FILIP1L: variants seen among roughly 807,000 people sequenced by gnomAD.
FILIP1L encodes filamin A-interacting protein 1-like.
In FILIP1L, 55 loss-of-function variants were observed where a neutral mutation model predicts 96.6. The observed-to-expected ratio is 0.57, with a 90% CI of 0.46 to 0.71. FILIP1L has a LOEUF of 0.71. FILIP1L is among the 30% of genes least tolerant of loss of function. The probability of loss-of-function intolerance (pLI) is 0.00; values close to 1 mark genes in which losing one functional copy is unlikely to be tolerated. For synonymous variants in FILIP1L, 467 were observed against 473.9 expected (o/e 0.99, Z 0.19); for missense variants, 1,304 against 1,321.2 (o/e 0.99, Z 0.20).
At chr3:100,095,339 A>G (rs2066186569) in intron 1 of FILIP1L, among the ~76,000 whole-genome samples, 1 of 152,214 alleles carries the variant, frequency 6.6e-6, no homozygotes, top group Non-Finnish European at 1.5e-5. Flanking sequence ...CGTGTTTGCT[A>G]TGTTAAACAC....
Position 99,929,905 on chromosome 3 carries a change from G to A in FILIP1L, c.377C>T (p.Ala126Val), listed in dbSNP as rs563658045. 4.3e-5 allele frequency: 70 copies of A among 1,613,832 alleles called. 1 individual carries two copies. The highest frequency in any genetic ancestry group is 1.7e-4 in the Middle Eastern group (1 of 6,056). The stretch of plus-strand genomic sequence containing the variant: ...GTCCTCCTGCCAAGGGGTAGATTTC[G>A]CTTGAAAAGCATCTCTCTGGAGAGC... ...LEALQRDAFQAKSTPWQEDIY... is the reference protein window; with the variant it reads ...LEALQRDAFQVKSTPWQEDIY... The change falls in exon 3 of 6, where the codon GCG becomes GTG. Residue 126 changes from alanine (A) to valine (V), a missense_variant. Physicochemically the swap from Ala to Val is moderately conservative, Grantham distance 64. Coordinates refer to ENST00000477258, the MANE Select transcript of FILIP1L (RefSeq NM_001387850.1).
intron 1 of FILIP1L, among the ~76,000 whole-genome samples, chr3:100,050,417 T>G (rs2065350149): frequency 6.6e-6 from 1 of 152,210 alleles, no homozygotes; most frequent in Non-Finnish European, 1.5e-5. Context: ...TTATAAAATG[T>G]TTTAATGCTA....
In FILIP1L at chr3:99,900,817, G is replaced by A. The variant is rs73136678; in HGVS notation, c.605+23413C>T. 3.5e-3 allele frequency among the ~76,000 whole-genome samples: 538 copies of A among 152,270 alleles called. 6 individuals are homozygous for A. The highest frequency in any genetic ancestry group is 5.1e-3 in the Non-Finnish European group (344 of 68,018). Reference sequence around the variant, plus strand: ...GATTCTGACCTAATTGATGTGCCCCGGTTATCAGGTTTTTTAAAAGCTTCT... The same window carrying A: ...GATTCTGACCTAATTGATGTGCCCCAGTTATCAGGTTTTTTAAAAGCTTCT... On this transcript the variant is annotated intron_variant, in intron 4 of 5. Coordinates refer to ENST00000477258, the MANE Select transcript of FILIP1L (RefSeq NM_001387850.1).
chr3:99,930,214 A>G (rs1707433681), intron 2 of FILIP1L, among the ~76,000 whole-genome samples, 185 bp from the exon 3 acceptor site: 1 of 152,256 alleles, frequency 6.6e-6, no homozygotes, highest in Non-Finnish European at 1.5e-5. Context: ...GTCTAATTAC[A>G]CAATTAATGT....
chr3:100,027,639 C>G (rs570188309), intron 1 of FILIP1L, among the ~76,000 whole-genome samples: 2 of 152,260 alleles, frequency 1.3e-5, no homozygotes, highest in South Asian at 4.1e-4. Context: ...CATTGTTTTT[C>G]CCAAGGTATT....
intron 1 of FILIP1L, among the ~76,000 whole-genome samples, chr3:99,974,539 G>A (rs558683274): frequency 7.9e-5 from 12 of 152,024 alleles, no homozygotes; most frequent in South Asian, 2.1e-4. Flanking sequence ...GAGAAACCCC[G>A]TCTCTACTAA....
chr3:99,959,523 G>C (rs1026404581), intron 1 of FILIP1L, among the ~76,000 whole-genome samples: 3 of 152,146 alleles, frequency 2.0e-5, no homozygotes, highest in African/African-American at 7.2e-5. Context: ...CATTTAATTT[G>C]TGTGTAGCTC....
intron 1 of FILIP1L, among the ~76,000 whole-genome samples, chr3:100,084,977 T>A (rs192754294): frequency 2.5e-4 from 38 of 152,368 alleles, no homozygotes; most frequent in African/African-American, 9.1e-4. Flanking sequence ...TCTCTGTCCA[T>A]GTCTTTAGCT....
intron 5 of FILIP1L, among the ~76,000 whole-genome samples, chr3:99,842,557 A>G (rs1943182523): frequency 6.6e-6 from 1 of 151,896 alleles, no homozygotes; most frequent in South Asian, 2.1e-4. Flanking sequence ...TCATACCAGG[A>G]CCATTTGGCT....
chr3:99,843,601 G>C (rs1385563466), intron 5 of FILIP1L, among the ~76,000 whole-genome samples: 1 of 152,160 alleles, frequency 6.6e-6, no homozygotes, highest in Non-Finnish European at 1.5e-5. Flanking sequence ...TTGAAAATAT[G>C]TTTAATACAC....
At chr3:100,106,866 TA>T (rs749249356) in intron 1 of FILIP1L, among the ~76,000 whole-genome samples, 5 of 152,152 alleles carry the variant, frequency 3.3e-5, no homozygotes, top group Non-Finnish European at 5.9e-5. Flanking sequence ...TGTTGCTTTT[TA>T]AAAATATGCA....
intron 1 of FILIP1L, among the ~76,000 whole-genome samples, chr3:100,024,268 A>G (rs748493403): frequency 7.9e-5 from 12 of 151,888 alleles, no homozygotes; most frequent in Non-Finnish European, 1.2e-4. Flanking sequence ...CTTTTCTTTG[A>G]TTATAGGTTT....
At chr3:99,934,737 A>G (rs1707604270) in intron 1 of FILIP1L, among the ~76,000 whole-genome samples, 1 of 152,232 alleles carries the variant, frequency 6.6e-6, no homozygotes, top group South Asian at 2.1e-4. Context: ...CCTCACTCTT[A>G]AAGTGGGTTA....
intron 4 of FILIP1L, among the ~76,000 whole-genome samples, chr3:99,907,779 T>TATTA (rs1706667731): frequency 6.6e-6 from 1 of 152,200 alleles, no homozygotes; most frequent in Non-Finnish European, 1.5e-5. Context: ...TGTCTTTTAA[T>TATTA]GTGCAACGCT....
chr3:99,926,360 G>A (rs927278928), intron 3 of FILIP1L, among the ~76,000 whole-genome samples: 1 of 152,226 alleles, frequency 6.6e-6, no homozygotes, highest in Admixed American at 6.5e-5. Flanking sequence ...CTGCTATGTT[G>A]TATTGCCTGC....
chr3:100,043,672 C>CT (rs772503097), intron 1 of FILIP1L, among the ~76,000 whole-genome samples: 1 of 152,050 alleles, frequency 6.6e-6, no homozygotes, highest in African/African-American at 2.4e-5. Flanking sequence ...TTTTTTAAAA[C>CT]TTTTTTTACA....
intron 1 of FILIP1L, among the ~76,000 whole-genome samples, chr3:100,002,823 C>T (rs1469931587): frequency 6.6e-6 from 1 of 152,126 alleles, no homozygotes; most frequent in African/African-American, 2.4e-5. Flanking sequence ...ATGACTTCCC[C>T]TCTAAAGCAT....
chr3:99,842,137 G>A (rs995040949), intron 5 of FILIP1L, among the ~76,000 whole-genome samples: 6 of 152,136 alleles, frequency 3.9e-5, no homozygotes, highest in African/African-American at 1.4e-4. Context: ...TATACACCAT[G>A]GAATACTACT....
At chr3:99,862,614 T>TG (rs764276100) in intron 4 of FILIP1L, among the ~76,000 whole-genome samples, 8 of 152,220 alleles carry the variant, frequency 5.3e-5, no homozygotes, top group Non-Finnish European at 1.2e-4. Flanking sequence ...CCAGCTCAGT[T>TG]GTGACAACTA....
Sources: gnomAD v4.1 joint callset for allele counts (sites outside exome capture counted in the v4.1 genomes callset) on GRCh38, gnomAD v4.1.1 for gene constraint, MANE v1.5 for transcripts, NCBI Gene and HGNC (gene_info 2026-07-23, HGNC 2026-07-21) for gene names.